Variants in ODR4 observed in about 807,000 individuals in gnomAD.
ODR4 encodes odr-4 GPCR localization factor homolog.
A neutral mutation model predicts 60.2 loss-of-function variants in ODR4; 47 were observed. That is an observed-to-expected ratio of 0.78 (90% CI 0.62 to 1.00). ODR4 has a LOEUF of 1.00. ODR4 is among the 50% of genes least tolerant of loss of function. The pLI, the probability that ODR4 is intolerant of heterozygous loss-of-function variation, is 0.00. For synonymous variants in ODR4, 178 were observed against 175.5 expected (o/e 1.01, Z -0.11); for missense variants, 488 against 530.8 (o/e 0.92, Z 0.79).
downstream of ODR4, among the ~76,000 whole-genome samples, chr1:186,423,443 CTTTTTTTTTTTTTTTT>C (rs34515188): frequency 5.4e-4 from 24 of 44,714 alleles, no homozygotes; most frequent in African/African-American, 1.5e-3. Context: ...ACTACTTGTG[CTTTTTTTTTTTTTTTT>C]TTTTTTTTTT....
intron 11 of ODR4, among the ~76,000 whole-genome samples, chr1:186,402,167 A>T (rs980353090): frequency 8.7e-6 from 1 of 114,594 alleles, no homozygotes; most frequent in Non-Finnish European, 1.9e-5. Flanking sequence ...ACCTCAGACA[A>T]ATAACTTTAT....
chr1:186,385,254 A>G (rs1285212712), intron 3 of ODR4, among the ~76,000 whole-genome samples: 1 of 150,274 alleles, frequency 6.7e-6, no homozygotes, highest in African/African-American at 2.5e-5. Context: ...TCTATGCAAT[A>G]GAAAATAATG....
chr1:186,403,185 A>G (rs1367686525), intron 11 of ODR4, among the ~76,000 whole-genome samples: 2 of 152,214 alleles, frequency 1.3e-5, no homozygotes, highest in Non-Finnish European at 2.9e-5. Flanking sequence ...TTAGGTATCA[A>G]GATAAAAGAA....
At chr1:186,404,140 A>T (rs1351940689) in intron 11 of ODR4, among the ~76,000 whole-genome samples, 1 of 152,140 alleles carries the variant, frequency 6.6e-6, no homozygotes, top group East Asian at 1.9e-4. Flanking sequence ...TAATTTTAAA[A>T]TTTTTTTATT....
intron 7 of ODR4, 139 bp downstream of exon 7, chr1:186,390,990 C>T (rs191787404): frequency 1.9e-5 from 17 of 898,336 alleles, no homozygotes; most frequent in Middle Eastern, 3.2e-4. Context: ...AACTTATTAC[C>T]GCAGCCAAAT....
rs60229243 is a variant in ODR4 at position 186,383,678 on chromosome 1, G to GATATATATAT, written c.234+533_234+542dup. On this transcript the variant is annotated intron_variant, in intron 3 of 13. Coordinates refer to ENST00000287859, the MANE Select transcript of ODR4 (RefSeq NM_017847.6). ...ACTCAAACGTGTTTCTGTGTATGTA[G>GATATATATAT]ATATATATATATATATATATGGACA... Among the ~76,000 whole-genome samples, 200 of 140,762 alleles carry GATATATATAT rather than the reference G, an allele frequency of 1.4e-3. 1 individual carries two copies. Among genetic ancestry groups the GATATATATAT allele is most frequent in the African/African-American group, 4.5e-3 (176 of 38,734 alleles). The allele number at this position is 140,762 out of a possible 152,430, so 92.3% of individuals were successfully genotyped here.
In ODR4 at chr1:186,399,001, G is replaced by T. The variant is rs373682246; in HGVS notation, c.957G>T (p.Met319Ile). 1.2e-6 allele frequency: 2 copies of T among 1,613,016 alleles called. No homozygotes were observed. Among genetic ancestry groups the T allele is most frequent in the Non-Finnish European group, 1.7e-6 (2 of 1,179,484 alleles). ...ACACAGTTGCTGATCGTTGTGAAATGCTATTTGAGGATCTGCTTTTGAATG... is the reference window on the plus strand; with the variant it reads ...ACACAGTTGCTGATCGTTGTGAAATTCTATTTGAGGATCTGCTTTTGAATG... Reference protein sequence around the residue: ...ILNTVADRCEMLFEDLLLNEI... With the variant: ...ILNTVADRCEILFEDLLLNEI... Residue 319 changes from methionine (M) to isoleucine (I), a missense_variant, in exon 11 of 14, where the codon ATG becomes ATT. By Grantham distance (10) the Met-to-Ile change is conservative. Transcript: ENST00000287859.
chr1:186,394,932 C>T (rs968134752), intron 9 of ODR4, among the ~76,000 whole-genome samples: 6 of 152,108 alleles, frequency 3.9e-5, no homozygotes, highest in Non-Finnish European at 8.8e-5. Context: ...TATTCCACTA[C>T]TTATGTGCTT....
rs371388626 is a variant in ODR4 at position 186,394,009 on chromosome 1, G to A, written c.774G>A (p.Thr258=). The A allele has an allele frequency of 4.8e-5, 69 of 1,449,920 alleles. No individual in the cohort carries two copies. Among genetic ancestry groups the A allele is most frequent in the South Asian group, 1.0e-4 (8 of 80,102 alleles). 89.8% of individuals were successfully genotyped at this position (1,449,920 alleles called of 1,614,324 possible). The change falls in exon 9 of 14, where the codon ACG becomes ACA. Residue 258 remains threonine (T), a synonymous_variant. Coordinates refer to ENST00000287859, the MANE Select transcript of ODR4 (RefSeq NM_017847.6). Reference sequence around the variant, plus strand: ...ATTCTTTTGATGTCAGAGTGCTAACGCAGTTGGTAAATATTTTAAAATAAC... The same window carrying A: ...ATTCTTTTGATGTCAGAGTGCTAACACAGTTGGTAAATATTTTAAAATAAC... ...TSHSFDVRVL[T]QLLLNSDHRS...
intron 11 of ODR4, among the ~76,000 whole-genome samples, chr1:186,404,255 G>C (rs928681613): frequency 6.6e-6 from 1 of 152,128 alleles, no homozygotes. Context: ...TTTTCCAAAA[G>C]ATTTCTCCTC....
rs1048897301 is a variant in ODR4, at chr1:186,386,034, T to C, written c.281T>C (p.Ile94Thr). The change falls in exon 4 of 14, where the codon ATT becomes ACT. Residue 94 changes from isoleucine to threonine, a missense_variant. Ile to Thr is a moderately conservative substitution (Grantham distance 89). Transcript: ENST00000287859. Reference protein sequence around the residue: ...PGGLLVLGVFIITTLELANDF... With the variant: ...PGGLLVLGVFTITTLELANDF... ...GGACTTTTAGTTCTTGGAGTATTTATTATTACTACTTTAGAACTGGCAAAT... is the reference window on the plus strand; with the variant it reads ...GGACTTTTAGTTCTTGGAGTATTTACTATTACTACTTTAGAACTGGCAAAT... 25 of 1,606,374 alleles carry C rather than the reference T, an allele frequency of 1.6e-5. No homozygotes were observed. The highest frequency in any genetic ancestry group is 2.1e-5 in the Non-Finnish European group (25 of 1,175,504).
chr1:186,393,427 A>C (rs748413954), intron 8 of ODR4, among the ~76,000 whole-genome samples: 2 of 152,264 alleles, frequency 1.3e-5, no homozygotes, highest in Non-Finnish European at 2.9e-5. Flanking sequence ...CCCTGATGAC[A>C]GTTCAAAAGC....
intron 6 of ODR4, 102 bp downstream of exon 6, chr1:186,389,726 T>C: frequency 1.4e-6 from 1 of 727,438 alleles, no homozygotes; most frequent in Admixed American, 3.2e-5. Context: ...CATCACTTCC[T>C]ATTGATGCCT....
At position 186,375,984 on chromosome 1, in the gene ODR4, C is replaced by CACA. The variant is rs770649531; in HGVS notation, c.-20+10_-20+11insACA. 6.0e-5 allele frequency: 10 copies of CACA among 167,416 alleles called. No homozygotes were observed. The highest frequency in any genetic ancestry group is 1.1e-4 in the Non-Finnish European group (9 of 78,938). The allele number at this position is 167,416 out of a possible 1,614,324, so 10.4% of individuals were successfully genotyped here. ...CACATTCTGAAAACAGGTAAGTCAG[C>CACA]CTAAGTGTAGTGTGTGTGTGTGTGT... is the stretch of plus-strand genomic sequence containing the variant. On this transcript the variant is annotated intron_variant, in intron 1 of 13. Coordinates refer to ENST00000287859, the MANE Select transcript of ODR4 (RefSeq NM_017847.6).
chr1:186,390,932 T>G, intron 7 of ODR4, 81 bp downstream of exon 7: 1 of 1,336,698 alleles, frequency 7.5e-7, no homozygotes, highest in Non-Finnish European at 1.0e-6. Flanking sequence ...GTCATTCATT[T>G]TACAATCCTC....
intron 7 of ODR4, 143 bp downstream of exon 7, chr1:186,390,994 G>T: frequency 1.1e-6 from 1 of 871,102 alleles, no homozygotes; most frequent in Non-Finnish European, 1.7e-6. Flanking sequence ...TATTACCGCA[G>T]CCAAATTAGA....
chr1:186,377,977 G>A lies in ODR4; in HGVS notation c.-19-1790G>A, dbSNP rs990350034. The stretch of plus-strand genomic sequence containing the variant: ...GGAGAATGGCGTGAACCTGGGAGGT[G>A]GAGCTTGCATTGAGCCGAGATCGCG... On this transcript the variant is annotated intron_variant, in intron 1 of 13. Transcript: ENST00000287859. Among the ~76,000 whole-genome samples, 5 of 151,970 alleles carry A rather than the reference G, an allele frequency of 3.3e-5. No individual in the cohort carries two copies. The Middle Eastern group carries it at 0.01, about 312-fold the overall frequency.
In ODR4 at chr1:186,406,231, A is replaced by C. The variant is rs780893358; in HGVS notation, c.1149A>C (p.Gln383His). The change falls in exon 12 of 14, where the codon CAA becomes CAC. Residue 383 changes from glutamine (Q) to histidine (H), a missense_variant. Physicochemically the swap from Gln to His is conservative, Grantham distance 24. Coordinates refer to ENST00000287859, the MANE Select transcript of ODR4 (RefSeq NM_017847.6). ...TGGAGATGTTGGATCACACAATTCA[A>C]ATAGAAGATTTGGAAATTGCAGAGG... is the stretch of plus-strand genomic sequence containing the variant. ...HFMEMLDHTI[Q>H]IEDLEIAEET... 6.2e-7 allele frequency: 1 copy of C among 1,606,894 alleles called. No individual in the cohort carries two copies. The highest frequency in any genetic ancestry group is 1.1e-5 in the South Asian group (1 of 89,384).
At chr1:186,402,740 A>G (rs1480267132) in intron 11 of ODR4, among the ~76,000 whole-genome samples, 1 of 152,090 alleles carries the variant, frequency 6.6e-6, no homozygotes, top group Non-Finnish European at 1.5e-5. Context: ...AGCGCACAGC[A>G]GTATGCCTGA....
Sources: allele counts gnomAD v4.1 joint callset (sites outside exome capture counted in the v4.1 genomes callset), GRCh38; gene constraint gnomAD v4.1.1; transcripts MANE v1.5; gene names NCBI Gene and HGNC (gene_info 2026-07-23, HGNC 2026-07-21).